Variants in CS observed in about 807,000 individuals in gnomAD.
The protein encoded by CS is citrate synthase, mitochondrial.
CS carries 13 observed loss-of-function variants against 61.4 expected under a neutral mutation model. That is an observed-to-expected ratio of 0.21 (90% CI 0.14 to 0.34). The LOEUF (loss-of-function observed/expected upper bound fraction) is 0.34. Ranked by LOEUF, CS falls within the 10% of genes least tolerant of loss-of-function variation. CS has a pLI of 1.00. For missense variants in CS, 278 were observed against 573.4 expected (o/e 0.48, Z 5.26); for synonymous variants, 159 against 215.2 (o/e 0.74, Z 2.29).
chr12:56,284,316 T>C (rs1373604429), intron 3 of CS, among the ~76,000 whole-genome samples: 2 of 56,830 alleles, frequency 3.5e-5, no homozygotes, highest in Admixed American at 6.1e-4. Context: ...CAAAACTCCA[T>C]CTCAAAAAAA....
At chr12:56,287,073 C>T (rs576198562) in intron 1 of CS, among the ~76,000 whole-genome samples, 37 of 152,304 alleles carry the variant, frequency 2.4e-4, no homozygotes, top group African/African-American at 8.2e-4. Flanking sequence ...CCTTTCATAA[C>T]GGTACTTCTG....
At chr12:56,286,216 G>T in intron 2 of CS, 193 bp from the exon 3 acceptor site, 1 of 585,196 alleles carries the variant, frequency 1.7e-6, no homozygotes, top group Non-Finnish European at 3.0e-6. Context: ...TGTTTAATGG[G>T]AACAGTTTCT....
rs550359227 is a variant in CS at position 56,298,749 on chromosome 12, C to T, written c.42+1411G>A. 31 of 881,810 alleles carry T rather than the reference C, an allele frequency of 3.5e-5. No homozygotes were observed. The South Asian group carries it at 5.8e-4, about 16-fold the overall frequency. 54.6% of individuals were successfully genotyped at this position (881,810 alleles called of 1,614,324 possible). On this transcript the variant is annotated intron_variant, in intron 1 of 10. Coordinates refer to ENST00000351328, the MANE Select transcript of CS (RefSeq NM_004077.3). ...ACTTTGTGCCAACCATGAAAAATAACGCACAGCAGGCCAGGTGCAGTGGTT... is the reference window on the plus strand; with the variant it reads ...ACTTTGTGCCAACCATGAAAAATAATGCACAGCAGGCCAGGTGCAGTGGTT...
rs1364043794 is a variant in CS, at chr12:56,286,014, C to T, written c.103G>A (p.Asp35Asn). The T allele has an allele frequency of 6.2e-7, 1 of 1,613,100 alleles. No individual in the cohort carries two copies. Among genetic ancestry groups the T allele is most frequent in the African/African-American group, 1.3e-5 (1 of 74,912 alleles). The change falls in exon 3 of 11, where the codon GAC (aspartate) becomes AAC (asparagine). Residue 35 changes from aspartate (D) to asparagine (N), a missense_variant. Transcript: ENST00000351328. ...HASASSTNLKDILADLIPKEQ... is the reference protein window; with the variant it reads ...HASASSTNLKNILADLIPKEQ... ...TTAGGTATCAGGTCAGCCAATATGT[C>T]TTTCAAATTCTAAAAAGAAAAGTAG...
At chr12:56,276,222 A>G in intron 6 of CS, 27 bp from the exon 7 acceptor site, 1 of 1,606,632 alleles carries the variant, frequency 6.2e-7, no homozygotes, top group African/African-American at 1.3e-5. Context: ...AAGATGGAGA[A>G]AAAAAAAGGA....
intron 1 of CS, among the ~76,000 whole-genome samples, chr12:56,299,041 CAAA>C (rs112718114): frequency 1.5e-5 from 2 of 134,938 alleles, no homozygotes; most frequent in Non-Finnish European, 1.6e-5. Context: ...TATCCTGTCT[CAAA>C]AAAAAAAAAA....
chr12:56,278,545 T>C (rs956621152), intron 6 of CS, among the ~76,000 whole-genome samples: 1 of 151,994 alleles, frequency 6.6e-6, no homozygotes, highest in African/African-American at 2.4e-5. Context: ...AAGACCATCC[T>C]GGCCAACAAG....
At chr12:56,292,852 C>T (rs1327390932) in intron 1 of CS, among the ~76,000 whole-genome samples, 1 of 151,680 alleles carries the variant, frequency 6.6e-6, no homozygotes, top group Non-Finnish European at 1.5e-5. Flanking sequence ...TGCAGTGAGC[C>T]GAGTTCGCAC....
chr12:56,299,100 TC>T (rs76872657), intron 1 of CS, among the ~76,000 whole-genome samples: 9,910 of 152,088 alleles, frequency 0.065, 485 homozygotes, highest in East Asian at 0.18. Flanking sequence ...TTCCTTTCCT[TC>T]AGATGCTGTC....
chr12:56,286,766 A>G (rs1362677491), intron 1 of CS, 121 bp from the exon 2 acceptor site: 7 of 859,500 alleles, frequency 8.1e-6, no homozygotes, highest in Admixed American at 2.2e-5. Context: ...GCAGTTTGAC[A>G]TAAGAAAGCT....
intron 1 of CS, among the ~76,000 whole-genome samples, chr12:56,293,405 A>G (rs1873194892): frequency 6.6e-6 from 1 of 152,228 alleles, no homozygotes; most frequent in Admixed American, 6.5e-5. Flanking sequence ...CTCTGTCTCT[A>G]CAAAAAATAA....
intron 1 of CS, among the ~76,000 whole-genome samples, chr12:56,288,830 AT>A (rs986678867): frequency 6.8e-4 from 45 of 65,972 alleles, no homozygotes; most frequent in South Asian, 5.0e-3. Flanking sequence ...AAAAAAAAAA[AT>A]TTTTTTTTGT....
intron 1 of CS, among the ~76,000 whole-genome samples, chr12:56,294,552 T>C (rs2135925864): frequency 6.7e-6 from 1 of 148,270 alleles, no homozygotes; most frequent in East Asian, 2.1e-4. Flanking sequence ...CCAGCTTCCA[T>C]CTTCAGAAAG....
At chr12:56,274,063 C>G (rs1238049013) in intron 9 of CS, 3 of 451,646 alleles carry the variant, frequency 6.6e-6, no homozygotes, top group African/African-American at 6.0e-5. Flanking sequence ...CCTGTAATCC[C>G]AGCACTTTGG....
At chr12:56,298,935 G>A (rs887546009) in intron 1 of CS, among the ~76,000 whole-genome samples, 3 of 151,998 alleles carry the variant, frequency 2.0e-5, no homozygotes, top group African/African-American at 4.8e-5. Flanking sequence ...CCAGCTACTC[G>A]GGAAGCTGAA....
chr12:56,294,746 T>G (rs1873242598), intron 1 of CS, among the ~76,000 whole-genome samples: 1 of 151,300 alleles, frequency 6.6e-6, no homozygotes, highest in Non-Finnish European at 1.5e-5. Context: ...ATCACAAGTA[T>G]TAAACTTTCC....
chr12:56,289,893 T>C (rs116482789), intron 1 of CS, among the ~76,000 whole-genome samples: 2,168 of 152,180 alleles, frequency 0.014, 51 homozygotes, highest in African/African-American at 0.049. Context: ...ACCAGCTGAC[T>C]TTCTGTTTTG....
chr12:56,280,003 A>C (rs893767676), intron 6 of CS, among the ~76,000 whole-genome samples: 3 of 151,144 alleles, frequency 2.0e-5, no homozygotes, highest in African/African-American at 7.3e-5. Flanking sequence ...AAAAAGGCCC[A>C]GGGTGGTGGC....
intron 1 of CS, among the ~76,000 whole-genome samples, chr12:56,289,732 G>A (rs942790950): frequency 6.6e-6 from 1 of 152,000 alleles, no homozygotes; most frequent in Admixed American, 6.6e-5. Flanking sequence ...GTGAGCCACC[G>A]CGCCCGGCCA....
Sources: gnomAD v4.1 joint callset for allele counts (sites outside exome capture counted in the v4.1 genomes callset) on GRCh38, gnomAD v4.1.1 for gene constraint, MANE v1.5 for transcripts, NCBI Gene and HGNC (gene_info 2026-07-23, HGNC 2026-07-21) for gene names.